Variants in PKNOX2 observed in about 807,000 individuals in gnomAD.
PKNOX2 encodes PBX/knotted 1 homeobox 2, also known as homeobox protein PKNOX2.
A neutral mutation model predicts 53.1 loss-of-function variants in PKNOX2; 14 were observed. That is an observed-to-expected ratio of 0.26 (90% CI 0.17 to 0.41). The LOEUF (loss-of-function observed/expected upper bound fraction) is 0.41. Among genes scored for constraint, PKNOX2 ranks in the 10% least tolerant of loss-of-function variants. PKNOX2 has a pLI of 1.00. For synonymous variants in PKNOX2, 257 were observed against 242.8 expected, an observed-to-expected ratio of 1.06 and a Z score of -0.54; for missense variants, 496 against 602.8, an observed-to-expected ratio of 0.82 and a Z score of 1.85.
At chr11:125,279,949 AAGG>A (rs1946436153) in intron 2 of PKNOX2, among the ~76,000 whole-genome samples, 1 of 152,102 alleles carries the variant, frequency 6.6e-6, no homozygotes, top group Admixed American at 6.5e-5. Flanking sequence ...GGTACAACTC[AAGG>A]AGATTATGGG....
At chr11:125,375,224 T>A (rs2135289722) in intron 5 of PKNOX2, among the ~76,000 whole-genome samples, 1 of 152,298 alleles carries the variant, frequency 6.6e-6, no homozygotes, top group Admixed American at 6.5e-5. Flanking sequence ...GAGAGATCTG[T>A]AAAAATGTTA....
intron 4 of PKNOX2, among the ~76,000 whole-genome samples, chr11:125,364,726 C>T (rs758325497): frequency 3.9e-5 from 6 of 152,216 alleles, no homozygotes; most frequent in African/African-American, 1.2e-4. Flanking sequence ...ATCTGTGAAG[C>T]GCTCTAGAGT....
intron 8 of PKNOX2, 197 bp from the exon 9 acceptor site, chr11:125,410,582 C>T: frequency 1.5e-6 from 1 of 651,892 alleles, no homozygotes; most frequent in South Asian, 2.0e-5. Flanking sequence ...CCCCGAAGCA[C>T]CTCCCACCAG....
intron 6 of PKNOX2, among the ~76,000 whole-genome samples, chr11:125,397,275 C>A (rs962850628): frequency 3.3e-5 from 5 of 152,212 alleles, no homozygotes; most frequent in Non-Finnish European, 7.3e-5. Flanking sequence ...AGAGCGTCCA[C>A]AAGGTAACCG....
At chr11:125,176,618 G>A (rs1565461830) in intron 1 of PKNOX2, among the ~76,000 whole-genome samples, 1 of 152,214 alleles carries the variant, frequency 6.6e-6, no homozygotes, top group Non-Finnish European at 1.5e-5. Flanking sequence ...CTAGGTAAGA[G>A]TAGGCGCATG....
At chr11:125,220,294 T>G (rs1158570999) in intron 1 of PKNOX2, among the ~76,000 whole-genome samples, 1 of 152,218 alleles carries the variant, frequency 6.6e-6, no homozygotes, top group Non-Finnish European at 1.5e-5. Flanking sequence ...ATATTACCTT[T>G]TTAAAAGCAA....
chr11:125,282,618 A>T (rs1476531602), intron 2 of PKNOX2, among the ~76,000 whole-genome samples: 1 of 152,210 alleles, frequency 6.6e-6, no homozygotes, highest in Non-Finnish European at 1.5e-5. Context: ...TCTGTCATCC[A>T]ATGAGGGAAA....
chr11:125,323,024 C>G (rs564032773), intron 2 of PKNOX2, among the ~76,000 whole-genome samples: 1 of 152,206 alleles, frequency 6.6e-6, no homozygotes, highest in Non-Finnish European at 1.5e-5. Flanking sequence ...TCCCCTGATG[C>G]AGACCATGGT....
chr11:125,234,513 C>T (rs1173325496), intron 1 of PKNOX2, among the ~76,000 whole-genome samples: 2 of 152,198 alleles, frequency 1.3e-5, no homozygotes, highest in Non-Finnish European at 2.9e-5. Flanking sequence ...TTGGACTCTT[C>T]GCCTTCACTT....
chr11:125,378,861 C>G (rs1389971308), intron 5 of PKNOX2, among the ~76,000 whole-genome samples: 1 of 152,140 alleles, frequency 6.6e-6, no homozygotes, highest in Non-Finnish European at 1.5e-5. Flanking sequence ...TCTCTGGCTC[C>G]CTTGTGTTTT....
chr11:125,222,629 G>GTGTGTGTGTGTGTGTGTGCA (rs1555120664), intron 1 of PKNOX2, among the ~76,000 whole-genome samples: 1 of 149,568 alleles, frequency 6.7e-6, no homozygotes, highest in African/African-American at 2.5e-5. Flanking sequence ...GTGTATGTGT[G>GTGTGTGTGTGTGTGTGTGCA]TGTGTATGTG....
At chr11:125,266,155 G>C (rs1945323379) in intron 2 of PKNOX2, among the ~76,000 whole-genome samples, 1 of 152,170 alleles carries the variant, frequency 6.6e-6, no homozygotes, top group Non-Finnish European at 1.5e-5. Context: ...ACAATGGCTG[G>C]CTTGGAAGAG....
chr11:125,426,545 G>C (rs1956434509), intron 10 of PKNOX2, among the ~76,000 whole-genome samples: 1 of 151,666 alleles, frequency 6.6e-6, no homozygotes, highest in African/African-American at 2.4e-5. Context: ...TATTGTGCTA[G>C]TTCATTCCTC....
chr11:125,198,365 C>T (rs548733768), intron 1 of PKNOX2, among the ~76,000 whole-genome samples: 4 of 152,294 alleles, frequency 2.6e-5, no homozygotes, highest in Non-Finnish European at 5.9e-5. Context: ...GAGGGCGATA[C>T]GACACCACAC....
At chr11:125,380,915 A>G (rs536090281) in intron 5 of PKNOX2, among the ~76,000 whole-genome samples, 1 of 152,298 alleles carries the variant, frequency 6.6e-6, no homozygotes, top group East Asian at 1.9e-4. Context: ...TAGCTTAGAC[A>G]ATATAAGTCA....
In PKNOX2 at chr11:125,351,167, C is replaced by A. The variant is rs550459546; in HGVS notation, c.-22-117C>A. The A allele has an allele frequency of 1.5e-4, 104 of 708,882 alleles. No homozygotes were observed. The African/African-American group carries it at 1.7e-3, about 12-fold the overall frequency. The allele number at this position is 708,882 out of a possible 1,614,324, so 43.9% of individuals were successfully genotyped here. A position where few individuals can be genotyped will look rare whatever the true frequency, so the allele number is the denominator to read the frequency against. On this transcript the variant is annotated intron_variant, in intron 3 of 12. Transcript: ENST00000298282. ...TTTGTTGCCCTGAAGGGCGTGCAAC[C>A]CTTGCCGCATCCAGCCGGCCCAGGT...
chr11:125,207,723 A>G (rs1303473137), intron 1 of PKNOX2, among the ~76,000 whole-genome samples: 1 of 151,990 alleles, frequency 6.6e-6, no homozygotes, highest in Non-Finnish European at 1.5e-5. Flanking sequence ...GTCAGGGTGG[A>G]AGAGATTGGA....
intron 2 of PKNOX2, among the ~76,000 whole-genome samples, chr11:125,316,803 G>A (rs1949225018): frequency 6.6e-6 from 1 of 152,184 alleles, no homozygotes; most frequent in African/African-American, 2.4e-5. Flanking sequence ...GAGTTTAGTT[G>A]CTGAAGGATG....
chr11:125,304,475 C>T (rs1430174239), intron 2 of PKNOX2, among the ~76,000 whole-genome samples: 5 of 152,184 alleles, frequency 3.3e-5, no homozygotes, highest in Admixed American at 1.3e-4. Context: ...CTGAGAGGCA[C>T]GGGAAGGGGC....
Sources: allele counts gnomAD v4.1 joint callset (sites outside exome capture counted in the v4.1 genomes callset), GRCh38; gene constraint gnomAD v4.1.1; transcripts MANE v1.5; gene names NCBI Gene and HGNC (gene_info 2026-07-23, HGNC 2026-07-21).